The following CACNA1H variants were observed in gnomAD, a reference collection of about 807,000 sequenced individuals.
CACNA1H encodes calcium voltage-gated channel subunit alpha1 H.
A neutral mutation model predicts 192.5 loss-of-function variants in CACNA1H; 149 were observed. The ratio of observed to expected loss-of-function variants is 0.77; its 90% CI spans 0.68 to 0.89. CACNA1H has a LOEUF of 0.89. CACNA1H is among the 40% of genes least tolerant of loss of function. The pLI is 0.00. For synonymous variants in CACNA1H, 2,202 were observed against 1,475.2 expected, an observed-to-expected ratio of 1.49 and a Z score of -11.29; for missense variants, 4,257 against 3,423.5, an observed-to-expected ratio of 1.24 and a Z score of -6.08.
At chr16:1,215,197 G>A (rs774987722) in intron 28 of CACNA1H, 45 bp from the exon 29 acceptor site, 20 of 1,585,244 alleles carry the variant, frequency 1.3e-5, no homozygotes, top group South Asian at 1.0e-4. Flanking sequence ...CTGCTGAGCC[G>A]AGGCGGGGAC....
chr16:1,205,405 C>A, intron 11 of CACNA1H, 140 bp downstream of exon 11: 1 of 946,548 alleles, frequency 1.1e-6, no homozygotes, highest in Non-Finnish European at 1.6e-6. Flanking sequence ...GAAGCAGGTG[C>A]TTGGTGACCC....
At chr16:1,195,343 C>CT (rs1462210057) in intron 3 of CACNA1H, 89 bp from the exon 4 acceptor site, 1 of 1,407,982 alleles carries the variant, frequency 7.1e-7, no homozygotes, top group African/African-American at 1.8e-5. Flanking sequence ...TGTGGCAAGA[C>CT]TGGGGGCCGG....
At chr16:1,208,506 G>A (rs997755370) in intron 16 of CACNA1H, among the ~76,000 whole-genome samples, 1 of 152,354 alleles carries the variant, frequency 6.6e-6, no homozygotes, top group South Asian at 2.1e-4. Flanking sequence ...AGGGGCAGAA[G>A]CGTGCCCGGC....
chr16:1,155,790 G>T (rs1037822730), intron 2 of CACNA1H, among the ~76,000 whole-genome samples: 1 of 152,186 alleles, frequency 6.6e-6, no homozygotes, highest in African/African-American at 2.4e-5. Context: ...GTTGCTGTGT[G>T]CAGGGAAGGT....
Position 1,218,013 on chromosome 16 carries a change from G to T in CACNA1H, c.5418G>T (p.Thr1806=). 1.2e-6 allele frequency: 2 copies of T among 1,601,074 alleles called. No individual in the cohort carries two copies. Among genetic ancestry groups the T allele is most frequent in the Non-Finnish European group, 1.7e-6 (2 of 1,174,234 alleles). ...TCCTCACGCTGTTCCGCGTGTCCAC[G>T]GGGGACAACTGGAACGGGATCATGA... ...MAFLTLFRVS[T]GDNWNGIMKD... The change falls in exon 32 of 35, where the codon ACG becomes ACT. Residue 1806 remains threonine, a synonymous_variant. Coordinates refer to ENST00000348261, the MANE Select transcript of CACNA1H (RefSeq NM_021098.3).
At chr16:1,158,616 G>C (rs1053180599) in intron 2 of CACNA1H, among the ~76,000 whole-genome samples, 2 of 152,226 alleles carry the variant, frequency 1.3e-5, no homozygotes, top group Admixed American at 1.3e-4. Context: ...ATGGACTCGG[G>C]ACTCAGGCCC....
At chr16:1,190,000 A>G (rs1268063863) in intron 2 of CACNA1H, among the ~76,000 whole-genome samples, 1 of 152,212 alleles carries the variant, frequency 6.6e-6, no homozygotes, top group Non-Finnish European at 1.5e-5. Flanking sequence ...GAGGAGAATC[A>G]CTGAGGTCCT....
intron 31 of CACNA1H, 75 bp downstream of exon 31, chr16:1,217,085 G>T (rs1233158065): frequency 1.1e-5 from 14 of 1,270,130 alleles, no homozygotes; most frequent in Non-Finnish European, 1.6e-5. Flanking sequence ...CCACTCACAC[G>T]CAGGCACATG....
Position 1,216,882 on chromosome 16 carries a change from A to T in CACNA1H, c.5245-50A>T, listed in dbSNP as rs527673885. On this transcript the variant is annotated intron_variant, in intron 30 of 34. Coordinates refer to ENST00000348261, the MANE Select transcript of CACNA1H (RefSeq NM_021098.3). ...GCCGAGTGCCCTGCAGGGTGGGCTG[A>T]GGCCTCCCTGCCCGCCCGTCTGACC... The T allele has an allele frequency of 1.2e-5, 18 of 1,463,764 alleles. No homozygotes were observed. The East Asian group carries it at 4.3e-4, about 35-fold the overall frequency. 90.7% of individuals were successfully genotyped at this position (1,463,764 alleles called of 1,614,324 possible). A position where few individuals can be genotyped will look rare whatever the true frequency, so the allele number is the denominator to read the frequency against.
intron 2 of CACNA1H, among the ~76,000 whole-genome samples, chr16:1,174,726 C>CT (rs1343872761): frequency 6.6e-6 from 1 of 152,332 alleles, no homozygotes; most frequent in Non-Finnish European, 1.5e-5. Flanking sequence ...CAGAGCCTTC[C>CT]TTTTCCTGCT....
At position 1,211,820 on chromosome 16, in the gene CACNA1H, G is replaced by C; in HGVS notation, c.4566+15G>C. On this transcript the variant is annotated intron_variant, in intron 24 of 34. Coordinates refer to ENST00000348261, the MANE Select transcript of CACNA1H (RefSeq NM_021098.3). ...TCGACCAGCAGGTGCGCACAGGCGG[G>C]TCGAGCTGGGTCACCTCAGGGTCTC... The C allele has an allele frequency of 6.2e-7, 1 of 1,611,736 alleles. No individual in the cohort carries two copies.
Position 1,204,224 on chromosome 16 carries a change from C to A in CACNA1H, c.2217C>A (p.Arg739=). ...CGCAGGACGTCCGGCACGGTGACCG[C>A]TGGGACCCCACGCGACCACCCCGTG... The part of the protein sequence containing the change: ...EFTQDVRHGD[R]WDPTRPPRAT... Residue 739 remains arginine (R), a synonymous_variant, in exon 10 of 35, where the codon CGC becomes CGA. Transcript: ENST00000348261. 1 of 1,611,722 alleles carries A rather than the reference C, an allele frequency of 6.2e-7. No homozygotes were observed. Among genetic ancestry groups the A allele is most frequent in the Non-Finnish European group, 8.5e-7 (1 of 1,179,402 alleles).
In CACNA1H at chr16:1,213,784, C is replaced by A; in HGVS notation, c.4782C>A (p.Ala1594=). Residue 1594 remains alanine, a synonymous_variant, in exon 27 of 35, where the codon GCC becomes GCA. Transcript: ENST00000348261. ...TCATGGCCGCCCTCCCCGCAGAGGC[C>A]CAGCGCCGGCCCTACTATGCCGACT... ...RRRSTFPSPE[A]QRRPYYADYS... 1 of 1,555,832 alleles carries A rather than the reference C, an allele frequency of 6.4e-7. No individual in the cohort carries two copies. Among genetic ancestry groups the A allele is most frequent in the Non-Finnish European group, 8.7e-7 (1 of 1,153,000 alleles).
At chr16:1,175,556 C>T (rs746401641) in intron 2 of CACNA1H, among the ~76,000 whole-genome samples, 16 of 152,186 alleles carry the variant, frequency 1.1e-4, no homozygotes, top group Admixed American at 2.6e-4. Flanking sequence ...CCCGTCTGCT[C>T]GCCGTGTCCC....
intron 9 of CACNA1H, among the ~76,000 whole-genome samples, chr16:1,203,492 T>TGGGTGTGTGTGCCC (rs1228409788): frequency 1.3e-5 from 2 of 152,220 alleles, no homozygotes; most frequent in African/African-American, 4.8e-5. Flanking sequence ...CTGTGGGGGT[T>TGGGTGTGTGTGCCC]GGGTGTGTGT....
chr16:1,213,901 C>T lies in CACNA1H; in HGVS notation c.4899C>T (p.Thr1633=), dbSNP rs538898486. The change falls in exon 27 of 35, where the codon ACC becomes ACT. Residue 1633 remains threonine, a synonymous_variant. Transcript: ENST00000348261. Reference sequence around the variant, plus strand: ...TCATCATCTGTGTCAACGTCATCACCATGTCCATGGAGCACTATAACCAAC... The same window carrying T: ...TCATCATCTGTGTCAACGTCATCACTATGTCCATGGAGCACTATAACCAAC... ...ITFIICVNVI[T]MSMEHYNQPK... 38 of 1,611,854 alleles carry T rather than the reference C, an allele frequency of 2.4e-5. No homozygotes were observed. The South Asian group carries it at 3.7e-4, about 16-fold the overall frequency.
At chr16:1,201,310 C>G (rs1033786232) in intron 8 of CACNA1H, among the ~76,000 whole-genome samples, 2 of 152,090 alleles carry the variant, frequency 1.3e-5, no homozygotes, top group Non-Finnish European at 2.9e-5. Context: ...GCACGCTGGT[C>G]CATGCTAAGG....
chr16:1,169,431 G>T (rs761057749), intron 2 of CACNA1H, among the ~76,000 whole-genome samples: 16 of 152,308 alleles, frequency 1.1e-4, no homozygotes, highest in Admixed American at 2.0e-4. Flanking sequence ...AGGGGCATTC[G>T]CCTTGGTCCT....
intron 2 of CACNA1H, among the ~76,000 whole-genome samples, chr16:1,181,498 G>A (rs1193136591): frequency 1.3e-5 from 2 of 152,230 alleles, no homozygotes; most frequent in South Asian, 2.1e-4. Context: ...GTGGCTGCAC[G>A]CTGCCACCAA....
Sources: allele counts gnomAD v4.1 joint callset (sites outside exome capture counted in the v4.1 genomes callset), GRCh38; gene constraint gnomAD v4.1.1; transcripts MANE v1.5; gene names NCBI Gene and HGNC (gene_info 2026-07-23, HGNC 2026-07-21).